The following SYNPO2 variants were observed in gnomAD, a reference collection of about 807,000 sequenced individuals.
The protein encoded by SYNPO2 is synaptopodin 2, also known as synaptopodin-2.
SYNPO2 carries 56 observed loss-of-function variants against 85.0 expected under a neutral mutation model. The ratio of observed to expected loss-of-function variants is 0.66; its 90% CI spans 0.53 to 0.82. The LOEUF (loss-of-function observed/expected upper bound fraction) is 0.82. SYNPO2 is among the 40% of genes least tolerant of loss of function. SYNPO2 has a pLI of 0.00. For missense variants in SYNPO2, 1,575 were observed against 1,534.2 expected (o/e 1.03, Z -0.44); for synonymous variants, 602 against 591.1 (o/e 1.02, Z -0.27).
chr4:118,976,134 C>T (rs1303541719), intron 1 of SYNPO2, among the ~76,000 whole-genome samples: 4 of 152,122 alleles, frequency 2.6e-5, no homozygotes, highest in South Asian at 2.1e-4. Context: ...CGCGGACTCT[C>T]GCGGTGAGTG....
chr4:119,050,915 T>C (rs888740636), intron 4 of SYNPO2, among the ~76,000 whole-genome samples: 3 of 152,248 alleles, frequency 2.0e-5, no homozygotes, highest in Non-Finnish European at 4.4e-5. Flanking sequence ...CTTGTGTTTA[T>C]GTACACACAT....
chr4:118,880,194 A>G (rs1403627675), intron 1 of SYNPO2, among the ~76,000 whole-genome samples: 1 of 152,196 alleles, frequency 6.6e-6, no homozygotes, highest in Non-Finnish European at 1.5e-5. Flanking sequence ...AGGACCAACA[A>G]AACAATCAAA....
chr4:118,967,948 C>A (rs1369644829), intron 1 of SYNPO2, among the ~76,000 whole-genome samples: 2 of 151,458 alleles, frequency 1.3e-5, no homozygotes, highest in Non-Finnish European at 2.9e-5. Context: ...TGAAGACATA[C>A]AGCTATTCTA....
intron 1 of SYNPO2, among the ~76,000 whole-genome samples, chr4:118,901,113 A>C (rs1042178854): frequency 6.6e-6 from 1 of 152,180 alleles, no homozygotes; most frequent in Non-Finnish European, 1.5e-5. Flanking sequence ...CTTCAACAGT[A>C]CTTGCAAAAA....
At chr4:118,851,300 C>G (rs1246897703) in intron 1 of SYNPO2, among the ~76,000 whole-genome samples, 5 of 152,100 alleles carry the variant, frequency 3.3e-5, no homozygotes, top group African/African-American at 4.8e-5. Flanking sequence ...CCAGTCTGAC[C>G]AACACGGAGA....
intron 3 of SYNPO2, among the ~76,000 whole-genome samples, chr4:119,027,761 A>C (rs1738035316): frequency 6.6e-6 from 1 of 152,208 alleles, no homozygotes; most frequent in African/African-American, 2.4e-5. Flanking sequence ...AGTTCATGTT[A>C]AAATAGCATA....
rs746553012 is a variant in SYNPO2, at chr4:119,031,665, G to A, written c.2890G>A (p.Val964Ile). The part of the protein sequence containing the change: ...KGKKPLNALD[V>I]MKHQPYQLNA... ...AAAGAAACCCCTCAATGCATTAGAT[G>A]TCATGAAGCACCAACCGTATCAGCT... Residue 964 changes from valine (V) to isoleucine (I), a missense_variant, in exon 4 of 5, where the codon GTC becomes ATC. Transcript: ENST00000307142. 7 of 1,614,168 alleles carry A rather than the reference G, an allele frequency of 4.3e-6. No homozygotes were observed. Among genetic ancestry groups the A allele is most frequent in the Non-Finnish European group, 5.9e-6 (7 of 1,180,030 alleles).
chr4:119,009,130 T>C (rs959343899), intron 1 of SYNPO2, among the ~76,000 whole-genome samples: 1 of 152,220 alleles, frequency 6.6e-6, no homozygotes, highest in African/African-American at 2.4e-5. Flanking sequence ...CTAGCACAAA[T>C]ATTATCAAAT....
At chr4:118,998,588 A>G (rs1022830817) in intron 1 of SYNPO2, among the ~76,000 whole-genome samples, 1 of 152,232 alleles carries the variant, frequency 6.6e-6, no homozygotes, top group African/African-American at 2.4e-5. Context: ...CAAAAGTTAC[A>G]TCTCACAGAG....
chr4:118,901,482 T>C (rs1732753788), intron 1 of SYNPO2, among the ~76,000 whole-genome samples: 1 of 152,220 alleles, frequency 6.6e-6, no homozygotes, highest in Admixed American at 6.5e-5. Flanking sequence ...AGTAATGGTA[T>C]TAATCTCACA....
chr4:118,952,332 C>G (rs894372950), intron 1 of SYNPO2, among the ~76,000 whole-genome samples: 1 of 152,044 alleles, frequency 6.6e-6, no homozygotes, highest in African/African-American at 2.4e-5. Context: ...AGTAAAATCA[C>G]TTCTTTTTTA....
At chr4:118,946,580 C>T (rs187102756) in intron 1 of SYNPO2, among the ~76,000 whole-genome samples, 63 of 152,312 alleles carry the variant, frequency 4.1e-4, no homozygotes, top group Non-Finnish European at 7.1e-4. Flanking sequence ...ACACATCGTT[C>T]GCTCGTTCTC....
chr4:118,900,865 A>T (rs994423816), intron 1 of SYNPO2, among the ~76,000 whole-genome samples: 5 of 150,938 alleles, frequency 3.3e-5, no homozygotes, highest in Non-Finnish European at 5.9e-5. Flanking sequence ...CAAAATATTC[A>T]TTTTCTTGAA....
intron 1 of SYNPO2, among the ~76,000 whole-genome samples, chr4:118,901,922 A>G (rs1732769566): frequency 6.6e-6 from 1 of 152,230 alleles, no homozygotes; most frequent in Non-Finnish European, 1.5e-5. Flanking sequence ...ATGAAAATAA[A>G]TGTAGATAAG....
chr4:118,983,522 A>T (rs1267784287), intron 1 of SYNPO2, among the ~76,000 whole-genome samples: 6 of 152,160 alleles, frequency 3.9e-5, no homozygotes, highest in Non-Finnish European at 8.8e-5. Flanking sequence ...TATTACCATG[A>T]TGGCAGCATT....
rs780906811 is a variant in SYNPO2, at chr4:119,057,959, C to T, written c.*25C>T. ...AAAGTTAGAAGAACGGATCATGTGCCAACTGTAGTTTTTTAAAAAAAACGC... is the reference window on the plus strand; with the variant it reads ...AAAGTTAGAAGAACGGATCATGTGCTAACTGTAGTTTTTTAAAAAAAACGC... On this transcript the variant is annotated 3_prime_UTR_variant, in exon 5 of 5. Transcript: ENST00000307142. 2 of 1,572,770 alleles carry T rather than the reference C, an allele frequency of 1.3e-6. No homozygotes were observed. Among genetic ancestry groups the T allele is most frequent in the East Asian group, 2.2e-5 (1 of 44,488 alleles).
At chr4:118,916,729 CTT>C (rs199715189) in intron 1 of SYNPO2, among the ~76,000 whole-genome samples, 1 of 117,040 alleles carries the variant, frequency 8.5e-6, no homozygotes, top group Non-Finnish European at 1.7e-5. Flanking sequence ...ATTTTTCTTT[CTT>C]TTTTTTTTTT....
In SYNPO2 at chr4:118,865,829, G is replaced by A. The variant is rs565789536; in HGVS notation, c.12+14889G>A. ...GAAGAGATGCTCTTTTATAATTAAG[G>A]AAAACAATGGGTGAAGTTATGTGGA... On this transcript the variant is annotated intron_variant, in intron 1 of 4. Transcript: ENST00000610556. Among the ~76,000 whole-genome samples, 241 of 152,296 alleles carry A rather than the reference G, an allele frequency of 1.6e-3. 2 individuals carry two copies. Among genetic ancestry groups the A allele is most frequent in the African/African-American group, 5.5e-3 (227 of 41,576 alleles).
intron 1 of SYNPO2, among the ~76,000 whole-genome samples, chr4:119,014,577 T>C (rs1370097700): frequency 6.6e-6 from 1 of 152,204 alleles, no homozygotes; most frequent in Non-Finnish European, 1.5e-5. Context: ...AAATTTCTTA[T>C]TTTTGATATC....
Sources: gnomAD v4.1 joint callset for allele counts (sites outside exome capture counted in the v4.1 genomes callset) on GRCh38, gnomAD v4.1.1 for gene constraint, MANE v1.5 for transcripts, NCBI Gene and HGNC (gene_info 2026-07-23, HGNC 2026-07-21) for gene names.